The following CDH2 variants were observed in gnomAD, a reference collection of about 807,000 sequenced individuals.
The protein encoded by CDH2 is cadherin 2.
Under a neutral mutation model 92.0 loss-of-function variants are expected in CDH2, and 17 were observed. The observed-to-expected ratio is 0.18, with a 90% confidence interval of 0.13 to 0.28. The LOEUF (loss-of-function observed/expected upper bound fraction) is 0.28, where lower values mean the gene tolerates loss of function less well. Among genes scored for constraint, CDH2 ranks in the 10% least tolerant of loss-of-function variants. The pLI, the probability that CDH2 is intolerant of heterozygous loss-of-function variation, is 1.00. For missense variants in CDH2, 862 were observed against 1,133.1 expected, an observed-to-expected ratio of 0.76 and a Z score of 3.44; for synonymous variants, 419 against 415.9, an observed-to-expected ratio of 1.01 and a Z score of -0.09.
At chr18:28,023,318 A>C (rs1340976948) in intron 2 of CDH2, among the ~76,000 whole-genome samples, 1 of 152,122 alleles carries the variant, frequency 6.6e-6, no homozygotes, top group Admixed American at 6.6e-5. Flanking sequence ...TCATGTATGA[A>C]TATGAATTAT....
chr18:28,146,647 A>C (rs2016039246), intron 2 of CDH2: 1 of 152,126 alleles, frequency 6.6e-6, no homozygotes, highest in Non-Finnish European at 1.5e-5. Context: ...ATAGTAGCTA[A>C]GAGGCCATTT....
rs17498141 is a variant in CDH2, at chr18:28,004,268, C to T, written c.848-1099G>A. Among the ~76,000 whole-genome samples, 83 of 152,274 alleles carry T rather than the reference C, an allele frequency of 5.5e-4. 1 individual carries two copies. The East Asian group carries it at 0.015, about 28-fold the overall frequency. On this transcript the variant is annotated intron_variant, in intron 6 of 15. Coordinates refer to ENST00000269141, the MANE Select transcript of CDH2 (RefSeq NM_001792.5). The stretch of plus-strand genomic sequence containing the variant: ...CACCACTGTATCCACAGTGTCAGAA[C>T]AAGGCTTACCACACAGCATATGCTT...
At chr18:28,160,827 T>A (rs1402792158) in intron 1 of CDH2, among the ~76,000 whole-genome samples, 1 of 152,148 alleles carries the variant, frequency 6.6e-6, no homozygotes, top group East Asian at 1.9e-4. Flanking sequence ...AGGCTCCCAG[T>A]GGGAGGTTGT....
At chr18:27,975,561 C>A (rs2011798240) in intron 14 of CDH2, among the ~76,000 whole-genome samples, 1 of 152,302 alleles carries the variant, frequency 6.6e-6, no homozygotes, top group Non-Finnish European at 1.5e-5. Context: ...CCTGTGGTGG[C>A]GTCTAGGTGG....
At chr18:28,020,800 A>G (rs1183550619) in intron 2 of CDH2, among the ~76,000 whole-genome samples, 1 of 151,972 alleles carries the variant, frequency 6.6e-6, no homozygotes, top group Non-Finnish European at 1.5e-5. Flanking sequence ...CCGTATTGCA[A>G]ACTAGAAACT....
intron 7 of CDH2, among the ~76,000 whole-genome samples, chr18:27,997,599 A>G (rs369715901): frequency 1.4e-4 from 21 of 152,308 alleles, no homozygotes; most frequent in African/African-American, 3.6e-4. Context: ...TTGCAGGTAG[A>G]GGGACAGCAG....
chr18:27,983,048 G>A lies in CDH2; in HGVS notation c.2245C>T (p.Arg749Trp), dbSNP rs775708988. The change falls in exon 14 of 16, where the codon CGG becomes TGG. Residue 749 changes from arginine to tryptophan, a missense_variant. Coordinates refer to ENST00000269141, the MANE Select transcript of CDH2 (RefSeq NM_001792.5). ...TGTTTGGCCTGGCGTTCTTTATCCCGGCGTTTCATCCATACCACAAACATC... is the reference window on the plus strand; with the variant it reads ...TGTTTGGCCTGGCGTTCTTTATCCCAGCGTTTCATCCATACCACAAACATC... Reference protein sequence around the residue: ...VLMFVVWMKRRDKERQAKQLL... With the variant: ...VLMFVVWMKRWDKERQAKQLL... 2.1e-5 allele frequency: 34 copies of A among 1,612,140 alleles called. No homozygotes were observed. Among genetic ancestry groups the A allele is most frequent in the Middle Eastern group, 1.6e-4 (1 of 6,076 alleles).
intron 2 of CDH2, among the ~76,000 whole-genome samples, chr18:28,068,647 CTTG>C (rs1400312352): frequency 2.0e-5 from 3 of 152,190 alleles, no homozygotes; most frequent in African/African-American, 7.2e-5. Context: ...ACTATTGACA[CTTG>C]ATGTTCACAT....
At chr18:27,956,685 G>A (rs371578141) in intron 15 of CDH2, among the ~76,000 whole-genome samples, 11 of 152,082 alleles carry the variant, frequency 7.2e-5, no homozygotes, top group Non-Finnish European at 1.6e-4. Flanking sequence ...TATCACTCCC[G>A]CAAGTAAGAC....
intron 6 of CDH2, among the ~76,000 whole-genome samples, chr18:27,937,403 G>A (rs1406194051): frequency 6.6e-6 from 1 of 151,986 alleles, no homozygotes; most frequent in Admixed American, 6.6e-5. Flanking sequence ...TTTACTCACC[G>A]GTAAGACAGG....
chr18:28,033,533 C>T (rs2013751181), intron 2 of CDH2, among the ~76,000 whole-genome samples: 1 of 151,826 alleles, frequency 6.6e-6, no homozygotes, highest in Non-Finnish European at 1.5e-5. Flanking sequence ...TATCTGACAG[C>T]AGGATTAAGT....
chr18:28,106,160 T>C (rs1174985703), intron 2 of CDH2, among the ~76,000 whole-genome samples: 1 of 152,228 alleles, frequency 6.6e-6, no homozygotes, highest in African/African-American at 2.4e-5. Flanking sequence ...CTTACACCTA[T>C]AATCCCAGCA....
chr18:27,950,443 T>C (rs1909389716), downstream of CDH2, among the ~76,000 whole-genome samples: 1 of 152,098 alleles, frequency 6.6e-6, no homozygotes, highest in African/African-American at 2.4e-5. Context: ...TATATCAAAC[T>C]GAAGCAAATG....
chr18:28,073,651 G>A (rs2014662482), intron 2 of CDH2, among the ~76,000 whole-genome samples: 1 of 152,164 alleles, frequency 6.6e-6, no homozygotes. Context: ...TGATGTATGA[G>A]AAGCATTTGG....
At chr18:28,155,909 A>G (rs756863635) in intron 1 of CDH2, among the ~76,000 whole-genome samples, 3 of 152,210 alleles carry the variant, frequency 2.0e-5, no homozygotes, top group Non-Finnish European at 4.4e-5. Flanking sequence ...CAGTAATGCC[A>G]CTGATGGCAC....
intron 1 of CDH2, among the ~76,000 whole-genome samples, chr18:28,173,508 CT>C (rs753160724): frequency 1.7e-3 from 253 of 152,236 alleles, no homozygotes; most frequent in Middle Eastern, 3.4e-3. Flanking sequence ...TAGAACAAAG[CT>C]GCTTCTTTTT....
At chr18:28,026,445 G>C (rs917969491) in intron 2 of CDH2, among the ~76,000 whole-genome samples, 3 of 152,146 alleles carry the variant, frequency 2.0e-5, no homozygotes, top group Non-Finnish European at 4.4e-5. Context: ...GACGTGGGGA[G>C]TAGGTATAAT....
At chr18:28,122,794 A>C (rs2015613554) in intron 2 of CDH2, among the ~76,000 whole-genome samples, 1 of 152,176 alleles carries the variant, frequency 6.6e-6, no homozygotes. Flanking sequence ...ATAAACACTT[A>C]TTGCCTATGA....
At chr18:28,072,361 C>T (rs758402348) in intron 2 of CDH2, among the ~76,000 whole-genome samples, 71 of 152,150 alleles carry the variant, frequency 4.7e-4, no homozygotes, top group African/African-American at 1.5e-3. Context: ...TGCACTGGAG[C>T]GCCTGTATTC....
Sources: allele counts gnomAD v4.1 joint callset (sites outside exome capture counted in the v4.1 genomes callset), GRCh38; gene constraint gnomAD v4.1.1; transcripts MANE v1.5; gene names NCBI Gene and HGNC (gene_info 2026-07-23, HGNC 2026-07-21).